CYSLTR1: variants seen among roughly 807,000 people sequenced by gnomAD.
CYSLTR1 encodes cysteinyl leukotriene receptor 1, also known as G-protein coupled receptor HG55.
A neutral mutation model predicts 2.1 loss-of-function variants in CYSLTR1; 1 was observed. That is an observed-to-expected ratio of 0.48 (90% CI 0.17 to 2.28). The LOEUF is 2.28. CYSLTR1 is among the 30% of genes most tolerant of loss of function. The pLI is 0.26. For synonymous variants in CYSLTR1, 110 were observed against 89.6 expected (o/e 1.23, Z -1.28); for missense variants, 299 against 250.1 (o/e 1.20, Z -1.32).
At chrX:78,275,562 C>T (rs1276698879) in intron 2 of CYSLTR1, among the ~76,000 whole-genome samples, 3 of 99,270 alleles carry the variant, frequency 3.0e-5, no homozygotes, top group Non-Finnish European at 6.1e-5. Context: ...AGGGAAACAT[C>T]ACACACCGGG....
At position 78,315,303 on chromosome X, in the gene CYSLTR1, C is replaced by G. The variant is rs1012414314; in HGVS notation, c.-115+12002G>C. 3.6e-5 allele frequency among the ~76,000 whole-genome samples: 4 copies of G among 110,437 alleles called. No homozygotes were observed. The Admixed American group carries it at 3.9e-4, about 11-fold the overall frequency. On this transcript the variant is annotated intron_variant, in intron 1 of 2. Transcript: ENST00000373304. ...GATGGTCTTTGGTGACACAGAGCTG[C>G]TGGCTTCAGGTGAAACAGCATATTC...
intron 1 of CYSLTR1, among the ~76,000 whole-genome samples, chrX:78,298,656 T>C (rs184481674): frequency 6.8e-4 from 76 of 111,915 alleles, no homozygotes; most frequent in Non-Finnish European, 1.1e-3. Context: ...TATTTTTGGG[T>C]TGAAATCTAT....
chrX:78,273,796 T>C (rs370515326), intron 2 of CYSLTR1, 23 bp from the exon 3 acceptor site: 11 of 1,117,210 alleles, frequency 9.8e-6, no homozygotes, highest in Non-Finnish European at 1.2e-5. Flanking sequence ...AAAAAAATTG[T>C]CAATTTTAAC....
chrX:78,322,529 C>T lies in CYSLTR1; in HGVS notation c.-115+4776G>A, dbSNP rs915865640. On this transcript the variant is annotated intron_variant, in intron 1 of 2. Transcript: ENST00000373304. ...GATTGACTACAGTAAAGCTACTCAT[C>T]CTCTATGGAGATTTAATCTACAAAC... Among the ~76,000 whole-genome samples, 4 of 111,644 alleles carry T rather than the reference C, an allele frequency of 3.6e-5. No individual in the cohort carries two copies. In the South Asian group the frequency reaches 1.1e-3, roughly 31 times the overall value.
In CYSLTR1 at chrX:78,273,248, C is replaced by T; in HGVS notation, c.499G>A (p.Glu167Lys). 2 of 1,210,096 alleles carry T rather than the reference C, an allele frequency of 1.7e-6. No homozygotes were observed. Among genetic ancestry groups the T allele is most frequent in the Non-Finnish European group, 2.2e-6 (2 of 894,860 alleles). Reference protein sequence around the residue: ...PFLMAKPQKDEKNNTKCFEPP... With the variant: ...PFLMAKPQKDKKNNTKCFEPP... ...TCAAAGCACTTGGTATTATTTTTCT[C>T]ATCTTTTTGTGGTTTGGCCATTAGA... Residue 167 changes from glutamate (E) to lysine (K), a missense_variant, in exon 3 of 3, where the codon GAG (glutamate) becomes AAG (lysine). Transcript: ENST00000373304.
intron 2 of CYSLTR1, among the ~76,000 whole-genome samples, chrX:78,281,253 G>A (rs1921829522): frequency 9.5e-6 from 1 of 105,185 alleles, no homozygotes; most frequent in Non-Finnish European, 2.0e-5. Context: ...CATCTGCTAT[G>A]TTTTATTATG....
chrX:78,308,105 C>T (rs1368563523), intron 1 of CYSLTR1, among the ~76,000 whole-genome samples: 1 of 110,102 alleles, frequency 9.1e-6, no homozygotes, highest in African/African-American at 3.3e-5. Context: ...CAAAACTGTC[C>T]AGTTGCCTGA....
intron 1 of CYSLTR1, among the ~76,000 whole-genome samples, chrX:78,300,004 T>C (rs763395101): frequency 1.6e-4 from 17 of 109,444 alleles, no homozygotes; most frequent in Non-Finnish European, 2.8e-4. Flanking sequence ...TTTTGTCTCC[T>C]CTGGTTATGT....
chrX:78,287,706 A>G (rs1434836179), intron 1 of CYSLTR1, among the ~76,000 whole-genome samples: 1 of 111,889 alleles, frequency 8.9e-6, no homozygotes, highest in Non-Finnish European at 1.9e-5. Flanking sequence ...TTTATATAAA[A>G]TTCTAGATAA....
rs1050481936 is a variant in CYSLTR1 at position 78,271,864 on chromosome X, T to C, written c.*869A>G. 8.9e-6 allele frequency: 1 copy of C among 112,413 alleles called. No homozygotes were observed. Among genetic ancestry groups the C allele is most frequent in the Non-Finnish European group, 1.9e-5 (1 of 53,294 alleles). 9.3% of individuals were successfully genotyped at this position (112,413 alleles called of 1,213,427 possible). ...TTGTAGTTTATTTTGATCCCAGCAA[T>C]TGGCATATAGAAAAGTAGATTCCTT... On this transcript the variant is annotated 3_prime_UTR_variant, in exon 3 of 3. Coordinates refer to ENST00000373304, the MANE Select transcript of CYSLTR1 (RefSeq NM_006639.4).
chrX:78,276,177 C>G (rs886809033), intron 2 of CYSLTR1, among the ~76,000 whole-genome samples: 1 of 111,714 alleles, frequency 9.0e-6, no homozygotes, highest in Non-Finnish European at 1.9e-5. Context: ...GATACTTACT[C>G]TAGTCTATTT....
At chrX:78,300,769 T>A (rs189023486) in intron 1 of CYSLTR1, among the ~76,000 whole-genome samples, 1 of 112,787 alleles carries the variant, frequency 8.9e-6, no homozygotes, top group Admixed American at 9.3e-5. Context: ...GTTCTCATGA[T>A]AGTGAATAAG....
chrX:78,306,942 T>C (rs1802368541), intron 1 of CYSLTR1, among the ~76,000 whole-genome samples: 1 of 112,011 alleles, frequency 8.9e-6, no homozygotes, highest in South Asian at 3.7e-4. Flanking sequence ...CCAGTGGTGA[T>C]CTGGGAGAAA....
At chrX:78,321,638 C>T (rs388913) in intron 1 of CYSLTR1, 20 of 104,094 alleles carry the variant, frequency 1.9e-4, no homozygotes, top group African/African-American at 6.1e-4. Flanking sequence ...TGTGGTGAGC[C>T]GAGATTTTAC....
chrX:78,326,234 C>T (rs1923856350), intron 1 of CYSLTR1, among the ~76,000 whole-genome samples: 1 of 111,988 alleles, frequency 8.9e-6, no homozygotes. Flanking sequence ...CAACAGAAAA[C>T]ATTTCTGAAT....
intron 2 of CYSLTR1, among the ~76,000 whole-genome samples, chrX:78,275,620 C>A (rs1427411924): frequency 9.2e-6 from 1 of 109,231 alleles, no homozygotes; most frequent in Non-Finnish European, 1.9e-5. Flanking sequence ...TTAGGAGATA[C>A]ACCTAAGGTA....
At chrX:78,323,618 A>C (rs968373736) in intron 1 of CYSLTR1, among the ~76,000 whole-genome samples, 1 of 112,222 alleles carries the variant, frequency 8.9e-6, no homozygotes, top group African/African-American at 3.2e-5. Context: ...TGTTAATCTG[A>C]AATTTATGAG....
At chrX:78,301,810 T>TTTATCA (rs1442985086) in intron 1 of CYSLTR1, among the ~76,000 whole-genome samples, 2 of 111,948 alleles carry the variant, frequency 1.8e-5, no homozygotes, top group Admixed American at 9.5e-5. Flanking sequence ...GTTTTCATGC[T>TTTATCA]GCTGATAAAG....
intron 1 of CYSLTR1, chrX:78,321,136 CGTGTGTGTGTGTGTGTGT>C (rs56157358): frequency 1.3e-4 from 12 of 92,092 alleles, no homozygotes; most frequent in South Asian, 5.8e-4. Flanking sequence ...GGAAGGAGCA[CGTGTGTGTGTGTGTGTGT>C]GTGTGTGTGT....
Sources: allele counts gnomAD v4.1 joint callset (sites outside exome capture counted in the v4.1 genomes callset), GRCh38; gene constraint gnomAD v4.1.1; transcripts MANE v1.5; gene names NCBI Gene and HGNC (gene_info 2026-07-23, HGNC 2026-07-21).